IQSEC3: variants seen among roughly 807,000 people sequenced by gnomAD.
IQSEC3 encodes the protein IQ motif and Sec7 domain ArfGEF 3.
A neutral mutation model predicts 105.4 loss-of-function variants in IQSEC3; 50 were observed. The ratio of observed to expected loss-of-function variants is 0.47; its 90% CI spans 0.38 to 0.60. The LOEUF is 0.60. Among genes scored for constraint, IQSEC3 ranks in the 20% least tolerant of loss-of-function variants. The pLI, the probability that IQSEC3 is intolerant of heterozygous loss-of-function variation, is 0.00. For missense variants in IQSEC3, 1,415 were observed against 1,630.0 expected (o/e 0.87, Z 2.27); for synonymous variants, 708 against 746.0 (o/e 0.95, Z 0.83).
chr12:126,053 G>C, intron 3 of IQSEC3, 141 bp downstream of exon 3: 1 of 921,590 alleles, frequency 1.1e-6, no homozygotes, highest in South Asian at 1.7e-5. Context: ...TGCATTGAGC[G>C]ACCTAGTTTG....
chr12:84,966 C>CA (rs558373118), intron 1 of IQSEC3, among the ~76,000 whole-genome samples: 18 of 152,094 alleles, frequency 1.2e-4, no homozygotes, highest in Admixed American at 2.6e-4. Context: ...CAGCGTGCAG[C>CA]AAAAAAAGTC....
In IQSEC3 at chr12:163,460, G is replaced by C. The variant is rs782573905; in HGVS notation, c.2584-34G>C. On this transcript the variant is annotated intron_variant, in intron 8 of 13. Transcript: ENST00000538872. ...TGGGTGGGGAGGCCTCCAGGCCTCT[G>C]GTCTCTCCCGCTGAGCGCCCTGCCC... 14 of 1,568,902 alleles carry C rather than the reference G, an allele frequency of 8.9e-6. 1 individual carries two copies. The highest frequency in any genetic ancestry group is 8.7e-6 in the Non-Finnish European group (10 of 1,154,810).
chr12:135,937 A>T (rs74055575), intron 3 of IQSEC3, among the ~76,000 whole-genome samples: 3,548 of 152,320 alleles, frequency 0.023, 96 homozygotes, highest in African/African-American at 0.06. Flanking sequence ...CTGTGCCCAG[A>T]CTAGATTCAC....
chr12:158,655 G>GGTCTCT (rs1866782187), intron 7 of IQSEC3, among the ~76,000 whole-genome samples: 1 of 152,134 alleles, frequency 6.6e-6, no homozygotes, highest in Non-Finnish European at 1.5e-5. Context: ...TTTGGTATCT[G>GGTCTCT]GTCTCTTTTA....
chr12:139,225 C>T lies in IQSEC3; in HGVS notation c.1862C>T (p.Ala621Val). ...GCGTCGGCCTCCGCCTCCAAGGACGCCCTGCAGGCCATGATCCTGAGCCTG... is the reference window on the plus strand; with the variant it reads ...GCGTCGGCCTCCGCCTCCAAGGACGTCCTGCAGGCCATGATCCTGAGCCTG... The part of the protein sequence containing the change: ...SEASASASKD[A>V]LQAMILSLPR... Residue 621 changes from alanine to valine, a missense_variant, in exon 4 of 14, where the codon GCC (alanine) becomes GTC (valine). Ala to Val is a moderately conservative substitution (Grantham distance 64). Coordinates refer to ENST00000538872, the MANE Select transcript of IQSEC3 (RefSeq NM_001170738.2). 1.2e-6 allele frequency: 2 copies of T among 1,605,242 alleles called. No individual in the cohort carries two copies. The highest frequency in any genetic ancestry group is 1.7e-6 in the Non-Finnish European group (2 of 1,177,174).
chr12:160,400 T>C (rs1866846933), intron 7 of IQSEC3, among the ~76,000 whole-genome samples: 1 of 152,192 alleles, frequency 6.6e-6, no homozygotes, highest in Admixed American at 6.5e-5. Context: ...AGATATTTTT[T>C]TCTTGTTCTG....
intron 2 of IQSEC3, among the ~76,000 whole-genome samples, chr12:102,950 A>G (rs983241198): frequency 6.6e-6 from 1 of 152,046 alleles, no homozygotes. Flanking sequence ...AAGGCAATGT[A>G]TGTCTGCCAG....
At position 165,724 on chromosome 12, in the gene IQSEC3, T is replaced by C. The variant is rs1867140223; in HGVS notation, c.2810-5T>C. ...CCCACTGGGGGCCTGGGGTCTGCTT[T>C]CCAGATTACTCTCATGGCATCACAC... On this transcript the variant is annotated splice_region_variant and splice_polypyrimidine_tract_variant and intron_variant, in intron 10 of 13. Transcript: ENST00000538872. 1 of 1,613,416 alleles carries C rather than the reference T, an allele frequency of 6.2e-7. No individual in the cohort carries two copies.
chr12:153,840 C>T (rs1281952324), intron 5 of IQSEC3, among the ~76,000 whole-genome samples: 11 of 152,180 alleles, frequency 7.2e-5, no homozygotes, highest in South Asian at 2.1e-4. Flanking sequence ...TGAGGCCTAC[C>T]CTTGCACTCA....
At chr12:174,423 C>T (rs987998923) in intron 13 of IQSEC3, among the ~76,000 whole-genome samples, 176 bp from the exon 14 acceptor site, 1 of 152,130 alleles carries the variant, frequency 6.6e-6, no homozygotes, top group African/African-American at 2.4e-5. Flanking sequence ...CCTCTCTCCC[C>T]CCTGGGCAAA....
intron 2 of IQSEC3, among the ~76,000 whole-genome samples, chr12:107,657 A>G (rs10849552): frequency 0.31 from 47,392 of 151,218 alleles, 8,262 homozygotes; most frequent in East Asian, 0.75. Flanking sequence ...TGATCCGCCC[A>G]CCTCGGCCTC....
chr12:126,223 G>A (rs528534284), intron 3 of IQSEC3, among the ~76,000 whole-genome samples: 2 of 152,338 alleles, frequency 1.3e-5, no homozygotes, highest in East Asian at 3.9e-4. Flanking sequence ...GGAGCCCACT[G>A]TTCTCTGGGG....
rs555580733 is a variant in IQSEC3 at position 105,290 on chromosome 12, G to A, written c.623+6076G>A. On this transcript the variant is annotated intron_variant, in intron 2 of 13. Coordinates refer to ENST00000538872, the MANE Select transcript of IQSEC3 (RefSeq NM_001170738.2). ...TGGGATGGGGTGAAAATCCCCACAA[G>A]CCCCCTGCAGTGGCGGGAGCATCTT... is the stretch of plus-strand genomic sequence containing the variant. Among the ~76,000 whole-genome samples, 3 of 152,348 alleles carry A rather than the reference G, an allele frequency of 2.0e-5. No individual in the cohort carries two copies. In the South Asian group the frequency reaches 6.2e-4, roughly 32 times the overall value.
At chr12:150,236 T>C (rs2137027348) in intron 5 of IQSEC3, among the ~76,000 whole-genome samples, 1 of 152,322 alleles carries the variant, frequency 6.6e-6, no homozygotes, top group East Asian at 1.9e-4. Flanking sequence ...AATACGCGTG[T>C]GCTTCAGGCC....
At chr12:142,201 T>A (rs782084137) in intron 5 of IQSEC3, 3 of 152,222 alleles carry the variant, frequency 2.0e-5, no homozygotes, top group Non-Finnish European at 4.4e-5. Context: ...AGCTCTCCCT[T>A]TCATCCTCGC....
At chr12:81,922 G>A (rs556500504) in intron 1 of IQSEC3, among the ~76,000 whole-genome samples, 1 of 152,190 alleles carries the variant, frequency 6.6e-6, no homozygotes, top group East Asian at 1.9e-4. Flanking sequence ...AAACGTGGAG[G>A]ATGCAGACTG....
At chr12:170,185 C>G (rs952348594) in intron 12 of IQSEC3, among the ~76,000 whole-genome samples, 2 of 152,232 alleles carry the variant, frequency 1.3e-5, no homozygotes, top group Non-Finnish European at 2.9e-5. Context: ...TAATTCTCCA[C>G]GCTGCCTGAT....
At chr12:99,320 A>G in intron 2 of IQSEC3, 106 bp downstream of exon 2, 1 of 1,010,518 alleles carries the variant, frequency 9.9e-7, no homozygotes, top group South Asian at 1.5e-5. Flanking sequence ...CTTGAGTCTC[A>G]TGTGGGGTAA....
chr12:173,645 C>T (rs76593881), intron 13 of IQSEC3, among the ~76,000 whole-genome samples: 8,084 of 152,294 alleles, frequency 0.053, 306 homozygotes, highest in Middle Eastern at 0.1. Flanking sequence ...AGGAGGGTCT[C>T]AGCCTCCCCT....
Sources: gnomAD v4.1 joint callset for allele counts (sites outside exome capture counted in the v4.1 genomes callset) on GRCh38, gnomAD v4.1.1 for gene constraint, MANE v1.5 for transcripts, NCBI Gene and HGNC (gene_info 2026-07-23, HGNC 2026-07-21) for gene names.